Variants in SPG11 observed in about 807,000 individuals in gnomAD.
The protein encoded by SPG11 is spatacsin.
Under a neutral mutation model 274.0 loss-of-function variants are expected in SPG11, and 222 were observed. The observed-to-expected ratio is 0.81, with a 90% CI of 0.73 to 0.91. SPG11 has a LOEUF of 0.91. SPG11 is among the 40% of genes least tolerant of loss of function. SPG11 has a pLI of 0.00. For synonymous variants in SPG11, 1,144 were observed against 1,039.7 expected, an observed-to-expected ratio of 1.10 and a Z score of -1.93; for missense variants, 3,114 against 2,872.7, an observed-to-expected ratio of 1.08 and a Z score of -1.92.
rs1054687497 is a variant in SPG11, at chr15:44,604,067, G to A, written c.3520+1958C>T. ...TATTTTTTAAAAAAGACAACACTGT[G>A]ATCTGGTTCCAGAAACTAGTTCTGG... On this transcript the variant is annotated intron_variant, in intron 20 of 39. Transcript: ENST00000261866. 7 of 397,396 alleles carry A rather than the reference G, an allele frequency of 1.8e-5. No homozygotes were observed. In the Admixed American group the frequency reaches 2.4e-4, roughly 13 times the overall value. 24.6% of individuals were successfully genotyped at this position (397,396 alleles called of 1,614,324 possible).
intron 28 of SPG11, among the ~76,000 whole-genome samples, chr15:44,587,919 A>G (rs1000076104): frequency 6.6e-6 from 1 of 152,166 alleles, no homozygotes; most frequent in African/African-American, 2.4e-5. Context: ...CAGATCAATG[A>G]AAACACCTAT....
chr15:44,651,644 A>G lies in SPG11; in HGVS notation c.1303T>C (p.Phe435Leu). The G allele has an allele frequency of 6.2e-7, 1 of 1,614,250 alleles. No individual in the cohort carries two copies. Among genetic ancestry groups the G allele is most frequent in the Non-Finnish European group, 8.5e-7 (1 of 1,180,036 alleles). Residue 435 changes from phenylalanine (F) to leucine (L), a missense_variant, in exon 6 of 40, where the codon TTC becomes CTC. By Grantham distance (22) the Phe-to-Leu change is conservative. Transcript: ENST00000261866. ...ACTTCCCAAGTAAACAGTGCAGTGA[A>G]TCCTGTCACAGACACACATTTAAGC... The part of the protein sequence containing the change: ...IELKCVSVTG[F>L]TALFTWEVER...
chr15:44,577,548 AT>A (rs1253569763), intron 30 of SPG11, among the ~76,000 whole-genome samples: 1 of 151,820 alleles, frequency 6.6e-6, no homozygotes, highest in African/African-American at 2.4e-5. Context: ...AGATAAAAAA[AT>A]AAAATAAAAT....
chr15:44,600,704 T>C, intron 20 of SPG11, 72 bp from the exon 21 acceptor site: 1 of 1,486,406 alleles, frequency 6.7e-7, no homozygotes, highest in Non-Finnish European at 9.3e-7. Flanking sequence ...CACATGGAAC[T>C]CTCTAATGAT....
chr15:44,663,659 G>T lies in SPG11; in HGVS notation c.-12C>A, dbSNP rs756631982. 6.3e-7 allele frequency: 1 copy of T among 1,586,280 alleles called. No individual in the cohort carries two copies. The highest frequency in any genetic ancestry group is 8.5e-7 in the Non-Finnish European group (1 of 1,172,974). ...TCCTCTGCAGCCATCTTGGCCCGGC[G>T]GTTACTTCCGGTCACTTTCGCCGGA... On this transcript the variant is annotated 5_prime_UTR_variant, in exon 1 of 40. Coordinates refer to ENST00000261866, the MANE Select transcript of SPG11 (RefSeq NM_025137.4).
intron 34 of SPG11, among the ~76,000 whole-genome samples, chr15:44,570,158 T>C (rs1199623847): frequency 6.6e-6 from 1 of 152,126 alleles, no homozygotes; most frequent in Non-Finnish European, 1.5e-5. Context: ...GGGAGGCACA[T>C]GGGAACTGAG....
intron 10 of SPG11, among the ~76,000 whole-genome samples, 156 bp from the exon 11 acceptor site, chr15:44,626,663 A>C (rs892384818): frequency 6.6e-6 from 1 of 152,194 alleles, no homozygotes; most frequent in Admixed American, 6.5e-5. Flanking sequence ...TATTAAATTG[A>C]GTAAAACTAA....
chr15:44,580,197 C>T (rs971920988), intron 30 of SPG11, among the ~76,000 whole-genome samples: 1 of 152,026 alleles, frequency 6.6e-6, no homozygotes, highest in African/African-American at 2.4e-5. Context: ...AAATACTTAC[C>T]ATTGTGTTAT....
chr15:44,626,587 T>A lies in SPG11; in HGVS notation c.2068-80A>T, dbSNP rs1045239957. The stretch of plus-strand genomic sequence containing the variant: ...TTATCAACATGGGATTATACATTTA[T>A]GTAACATCTAACAAAGGAACTTTTA... On this transcript the variant is annotated intron_variant, in intron 10 of 39. Coordinates refer to ENST00000261866, the MANE Select transcript of SPG11 (RefSeq NM_025137.4). 2.2e-5 allele frequency: 31 copies of A among 1,404,252 alleles called. No homozygotes were observed. The African/African-American group carries it at 4.0e-4, about 18-fold the overall frequency. The allele number at this position is 1,404,252 out of a possible 1,614,324, so 87.0% of individuals were successfully genotyped here.
At chr15:44,567,796 CTT>C (rs1001501952) in intron 35 of SPG11, among the ~76,000 whole-genome samples, 1 of 152,142 alleles carries the variant, frequency 6.6e-6, no homozygotes, top group African/African-American at 2.4e-5. Context: ...AAAGGCAAAA[CTT>C]TTTCTAAAGG....
At chr15:44,627,206 A>C (rs2083925759) in intron 10 of SPG11, among the ~76,000 whole-genome samples, 1 of 152,216 alleles carries the variant, frequency 6.6e-6, no homozygotes, top group Non-Finnish European at 1.5e-5. Context: ...AAAGTGATTC[A>C]AGCTCAAGAT....
In SPG11 at chr15:44,564,698, C is replaced by G. The variant is rs764647588; in HGVS notation, c.7000G>C (p.Ala2334Pro). The change falls in exon 39 of 40, where the codon GCT (alanine) becomes CCT (proline). Residue 2334 changes from alanine (A) to proline (P), a missense_variant and splice_region_variant. Physicochemically the swap from Ala to Pro is conservative, Grantham distance 27. Coordinates refer to ENST00000261866, the MANE Select transcript of SPG11 (RefSeq NM_025137.4). ...CILALPRFYQ[A>P]SIVAEAYDFV... The stretch of plus-strand genomic sequence containing the variant: ...TCGTAGGCCTCAGCCACAATAGAAG[C>G]CTTAAAAGGAGAGGTGAAGAAGGAC... 1.9e-6 allele frequency: 3 copies of G among 1,613,938 alleles called. No individual in the cohort carries two copies. Among genetic ancestry groups the G allele is most frequent in the Non-Finnish European group, 2.5e-6 (3 of 1,180,010 alleles).
Position 44,652,114 on chromosome 15 carries a change from AG to A in SPG11, c.1007+14del. On this transcript the variant is annotated intron_variant, in intron 5 of 39. Transcript: ENST00000261866. ...AATAAGAACAATAAACTACATGAAAAGGAAGTTTCTGTACCTATCAATTTGG... is the reference window on the plus strand; with the variant it reads ...AATAAGAACAATAAACTACATGAAAAGAAGTTTCTGTACCTATCAATTTGG... 1.2e-6 allele frequency: 2 copies of A among 1,614,106 alleles called. No homozygotes were observed. The highest frequency in any genetic ancestry group is 1.7e-6 in the Non-Finnish European group (2 of 1,179,956).
At chr15:44,639,771 TTATATG>T (rs2084387141) in intron 7 of SPG11, among the ~76,000 whole-genome samples, 1 of 152,150 alleles carries the variant, frequency 6.6e-6, no homozygotes, top group Non-Finnish European at 1.5e-5. Flanking sequence ...TATTCTGATG[TTATATG>T]TATATTAACT....
intron 4 of SPG11, among the ~76,000 whole-genome samples, chr15:44,655,339 C>T (rs567253561): frequency 1.4e-3 from 216 of 152,200 alleles, no homozygotes; most frequent in Non-Finnish European, 1.5e-3. Context: ...TCGTGCCATA[C>T]CATAACCTTG....
At chr15:44,627,661 C>G (rs1033537918) in intron 10 of SPG11, among the ~76,000 whole-genome samples, 3 of 151,936 alleles carry the variant, frequency 2.0e-5, no homozygotes, top group Non-Finnish European at 4.4e-5. Flanking sequence ...GCGATCTCAG[C>G]TCACCGCAAC....
chr15:44,662,723 G>A (rs1471146274), intron 1 of SPG11, among the ~76,000 whole-genome samples: 2 of 144,118 alleles, frequency 1.4e-5, no homozygotes, highest in Non-Finnish European at 3.0e-5. Context: ...ACTTTATGAT[G>A]TAAACTCTTA....
intron 30 of SPG11, among the ~76,000 whole-genome samples, chr15:44,581,663 G>A (rs972637714): frequency 2.0e-5 from 3 of 151,162 alleles, no homozygotes; most frequent in African/African-American, 4.9e-5. Context: ...GGAGGCCAAG[G>A]CGGGTTTATT....
At chr15:44,591,791 A>C (rs946584515) in intron 27 of SPG11, among the ~76,000 whole-genome samples, 2 of 152,090 alleles carry the variant, frequency 1.3e-5, no homozygotes, top group African/African-American at 2.4e-5. Context: ...TGGGCAACAA[A>C]GCAAGACTTC....
Sources: allele counts gnomAD v4.1 joint callset (sites outside exome capture counted in the v4.1 genomes callset), GRCh38; gene constraint gnomAD v4.1.1; transcripts MANE v1.5; gene names NCBI Gene and HGNC (gene_info 2026-07-23, HGNC 2026-07-21).